The following GALNT13 variants were observed in gnomAD, a reference collection of about 807,000 sequenced individuals.
GALNT13 encodes polypeptide N-acetylgalactosaminyltransferase 13, also known as UDP-GalNAc:polypeptide N-acetylgalactosaminyltransferase 13.
A neutral mutation model predicts 64.2 loss-of-function variants in GALNT13; 28 were observed. The ratio of observed to expected loss-of-function variants is 0.44; its 90% CI spans 0.32 to 0.60. The LOEUF (loss-of-function observed/expected upper bound fraction) is 0.60, where lower values mean the gene tolerates loss of function less well. Among genes scored for constraint, GALNT13 ranks in the 20% least tolerant of loss-of-function variants. The pLI is 0.05. For synonymous variants in GALNT13, 214 were observed against 224.6 expected (o/e 0.95, Z 0.42); for missense variants, 577 against 669.8 (o/e 0.86, Z 1.53).
the GALNT13 span, among the ~76,000 whole-genome samples, chr2:153,822,394 G>T: frequency 6.6e-6 from 1 of 152,058 alleles, no homozygotes; most frequent in Non-Finnish European, 1.5e-5. Context: ...CAATAAAGTA[G>T]GCTTTATTCT....
chr2:153,286,860 TC>T, the GALNT13 span, among the ~76,000 whole-genome samples: 1 of 152,080 alleles, frequency 6.6e-6, no homozygotes, highest in Non-Finnish European at 1.5e-5. Flanking sequence ...TGAACCAGTA[TC>T]CAGAATTTAC....
chr2:154,382,271 C>A (rs776291127), intron 9 of GALNT13, among the ~76,000 whole-genome samples: 11 of 152,050 alleles, frequency 7.2e-5, no homozygotes, highest in Admixed American at 6.6e-4. Flanking sequence ...TGTTAGAATT[C>A]TCTATGTAAC....
chr2:153,889,622 A>G (rs1291810665), intron 1 of GALNT13, among the ~76,000 whole-genome samples: 1 of 152,098 alleles, frequency 6.6e-6, no homozygotes, highest in Non-Finnish European at 1.5e-5. Flanking sequence ...ATTTGGCCAG[A>G]GGCCTACATC....
the GALNT13 span, among the ~76,000 whole-genome samples, chr2:153,797,302 G>A: frequency 6.6e-6 from 1 of 152,316 alleles, no homozygotes; most frequent in East Asian, 1.9e-4. Context: ...AATAACTATT[G>A]GAAAGAGGTA....
the GALNT13 span, among the ~76,000 whole-genome samples, chr2:153,222,519 C>T: frequency 6.6e-6 from 1 of 152,152 alleles, no homozygotes; most frequent in Non-Finnish European, 1.5e-5. Flanking sequence ...TGGGACTTCA[C>T]TGAGGACCCA....
intron 11 of GALNT13, among the ~76,000 whole-genome samples, chr2:154,431,009 G>T (rs1172873850): frequency 6.6e-6 from 1 of 152,056 alleles, no homozygotes; most frequent in Non-Finnish European, 1.5e-5. Flanking sequence ...ATGCACAGGG[G>T]AACAAAAAAA....
At chr2:153,487,240 G>A in the GALNT13 span, among the ~76,000 whole-genome samples, 4 of 152,328 alleles carry the variant, frequency 2.6e-5, no homozygotes, top group African/African-American at 4.8e-5. Flanking sequence ...ACAAGCAGGG[G>A]TAGCAGCATT....
chr2:153,621,003 A>T, the GALNT13 span, among the ~76,000 whole-genome samples: 4 of 152,110 alleles, frequency 2.6e-5, no homozygotes, highest in Admixed American at 1.3e-4. Context: ...TGTTTCTTGC[A>T]GACTTGTAGA....
At chr2:153,189,636 G>T in the GALNT13 span, among the ~76,000 whole-genome samples, 1 of 152,056 alleles carries the variant, frequency 6.6e-6, no homozygotes, top group Non-Finnish European at 1.5e-5. Context: ...CTGCTGGATT[G>T]TATGGTGGTT....
At chr2:154,294,551 AAGAC>A (rs1194715627) in intron 8 of GALNT13, among the ~76,000 whole-genome samples, 7 of 152,322 alleles carry the variant, frequency 4.6e-5, no homozygotes, top group East Asian at 3.9e-4. Context: ...TCTTATGAAA[AAGAC>A]AGACAGATTC....
chr2:153,700,465 C>A, the GALNT13 span, among the ~76,000 whole-genome samples: 1 of 152,096 alleles, frequency 6.6e-6, no homozygotes, highest in Non-Finnish European at 1.5e-5. Context: ...CACTCCTATT[C>A]AACATAGTAC....
chr2:154,147,747 T>C (rs1683705035), intron 4 of GALNT13, among the ~76,000 whole-genome samples: 1 of 152,004 alleles, frequency 6.6e-6, no homozygotes, highest in African/African-American at 2.4e-5. Flanking sequence ...AAGCAGAAAA[T>C]CTAATTTTCA....
At chr2:153,384,178 T>A in the GALNT13 span, among the ~76,000 whole-genome samples, 1 of 152,034 alleles carries the variant, frequency 6.6e-6, no homozygotes, top group Non-Finnish European at 1.5e-5. Flanking sequence ...TTGCAATAAT[T>A]CTCTGTTTAC....
At position 154,199,950 on chromosome 2, in the gene GALNT13, C is replaced by T. The variant is rs137995867; in HGVS notation, c.312-42080C>T. Reference sequence around the variant, plus strand: ...ATTATATCCTTGATTTTATAATTACCGAGCAAGAATTCCAGAGATATGCAC... The same window carrying T: ...ATTATATCCTTGATTTTATAATTACTGAGCAAGAATTCCAGAGATATGCAC... On this transcript the variant is annotated intron_variant, in intron 4 of 12. Coordinates refer to ENST00000392825, the MANE Select transcript of GALNT13 (RefSeq NM_052917.4). Among the ~76,000 whole-genome samples, 225 of 151,914 alleles carry T rather than the reference C, an allele frequency of 1.5e-3. 2 individuals carry two copies. Among genetic ancestry groups the T allele is most frequent in the African/African-American group, 5.0e-3 (209 of 41,456 alleles).
At chr2:153,138,971 T>C in the GALNT13 span, among the ~76,000 whole-genome samples, 1 of 152,200 alleles carries the variant, frequency 6.6e-6, no homozygotes, top group South Asian at 2.1e-4. Context: ...TTTGAGGATA[T>C]GGAAATTTTC....
chr2:153,253,837 T>C, the GALNT13 span, among the ~76,000 whole-genome samples: 1 of 152,080 alleles, frequency 6.6e-6, no homozygotes, highest in African/African-American at 2.4e-5. Context: ...TCATGGTGGA[T>C]AAGTTTTTGA....
intron 9 of GALNT13, among the ~76,000 whole-genome samples, chr2:154,363,105 A>T (rs1334975385): frequency 6.6e-6 from 1 of 151,948 alleles, no homozygotes; most frequent in Non-Finnish European, 1.5e-5. Flanking sequence ...GATCTCTGGG[A>T]TTTGTTATTT....
intron 8 of GALNT13, among the ~76,000 whole-genome samples, chr2:154,282,795 C>T (rs1692034960): frequency 6.6e-6 from 1 of 152,134 alleles, no homozygotes; most frequent in Non-Finnish European, 1.5e-5. Context: ...CACTTAAAGG[C>T]TACAATAACT....
chr2:153,442,796 G>A, the GALNT13 span, among the ~76,000 whole-genome samples: 1 of 152,164 alleles, frequency 6.6e-6, no homozygotes, highest in African/African-American at 2.4e-5. Context: ...TTGCTGAGCT[G>A]CAGAGGGCTC....
Sources: gnomAD v4.1 joint callset for allele counts (sites outside exome capture counted in the v4.1 genomes callset) on GRCh38, gnomAD v4.1.1 for gene constraint, MANE v1.5 for transcripts, NCBI Gene and HGNC (gene_info 2026-07-23, HGNC 2026-07-21) for gene names.